Variants in SMAD2 observed in about 807,000 individuals in gnomAD.
SMAD2 encodes the protein MAD homolog 2.
In SMAD2, 8 loss-of-function variants were observed where a neutral mutation model predicts 64.4. The observed-to-expected ratio is 0.12, with a 90% CI of 0.07 to 0.22. The LOEUF is 0.22. SMAD2 is among the 10% of genes least tolerant of loss of function. SMAD2 has a pLI of 1.00. For synonymous variants in SMAD2, 203 were observed against 195.8 expected, an observed-to-expected ratio of 1.04 and a Z score of -0.31; for missense variants, 289 against 561.2, an observed-to-expected ratio of 0.51 and a Z score of 4.90.
intron 5 of SMAD2, among the ~76,000 whole-genome samples, chr18:47,867,518 A>C (rs747950990): frequency 6.6e-6 from 1 of 151,920 alleles, no homozygotes; most frequent in Non-Finnish European, 1.5e-5. Context: ...GAATAAAAGA[A>C]TATTACAAAA....
intron 2 of SMAD2, among the ~76,000 whole-genome samples, chr18:47,893,026 T>C (rs1219244613): frequency 6.6e-6 from 1 of 152,236 alleles, no homozygotes; most frequent in East Asian, 1.9e-4. Context: ...TTTCCTTATG[T>C]CTGATTCTTT....
At chr18:47,917,885 G>A (rs1031447862) in intron 1 of SMAD2, among the ~76,000 whole-genome samples, 5 of 152,140 alleles carry the variant, frequency 3.3e-5, no homozygotes, top group African/African-American at 1.2e-4. Context: ...AACCTCATGA[G>A]GATAGGGAGA....
chr18:47,907,135 C>T (rs1228770073), intron 1 of SMAD2, among the ~76,000 whole-genome samples: 1 of 152,032 alleles, frequency 6.6e-6, no homozygotes, highest in Non-Finnish European at 1.5e-5. Flanking sequence ...ATTGGAAAAC[C>T]GGCAAGTTCC....
intron 5 of SMAD2, 49 bp from the exon 6 acceptor site, chr18:47,865,182 A>G (rs747446548): frequency 1.0e-6 from 1 of 956,494 alleles, no homozygotes; most frequent in South Asian, 1.3e-5. Flanking sequence ...TAATCTCACT[A>G]CCTTTTCTCT....
At chr18:47,869,577 A>T in intron 3 of SMAD2, 141 bp from the exon 4 acceptor site, 1 of 675,276 alleles carries the variant, frequency 1.5e-6, no homozygotes. Flanking sequence ...GAGAATCAAG[A>T]ACAAAAATGT....
rs75892830 is a variant in SMAD2, at chr18:47,810,039, T to C, written c.*31788A>G. ...AATTACAGAGTTGAAACACATACTCTTTCAGACATGAAGTCAGAGGGCTTC... is the reference window on the plus strand; with the variant it reads ...AATTACAGAGTTGAAACACATACTCCTTCAGACATGAAGTCAGAGGGCTTC... On this transcript the variant is annotated 3_prime_UTR_variant, in exon 11 of 11. Transcript: ENST00000262160. 2,414 of 152,310 alleles carry C rather than the reference T, an allele frequency of 0.016. 27 individuals are homozygous for C. The highest frequency in any genetic ancestry group is 0.026 in the Non-Finnish European group (1,740 of 68,030). The allele number at this position is 152,310 out of a possible 1,614,324, so 9.4% of individuals were successfully genotyped here. A position where few individuals can be genotyped will look rare whatever the true frequency, so the allele number is the denominator to read the frequency against.
rs1486788241 is a variant in SMAD2 at position 47,881,430 on chromosome 18, G to A, written c.237-10866C>T. 2.0e-5 allele frequency among the ~76,000 whole-genome samples: 3 copies of A among 152,156 alleles called. No homozygotes were observed. In the South Asian group the frequency reaches 6.2e-4, roughly 32 times the overall value. Reference sequence around the variant, plus strand: ...TTTACAAAAATACAATTGATTTTTAGACACTGAATCTATAAAGTGCAGCCT... The same window carrying A: ...TTTACAAAAATACAATTGATTTTTAAACACTGAATCTATAAAGTGCAGCCT... On this transcript the variant is annotated intron_variant, in intron 2 of 10. Transcript: ENST00000262160.
intron 1 of SMAD2, among the ~76,000 whole-genome samples, chr18:47,905,139 G>C (rs909970917): frequency 6.6e-6 from 1 of 152,108 alleles, no homozygotes; most frequent in African/African-American, 2.4e-5. Context: ...TCTACTTACT[G>C]GAACTAGTAA....
rs528550552 is a variant in SMAD2 at position 47,834,121 on chromosome 18, A to G, written c.*7706T>C. ...AAATGACTGGATGGCACATATCCCA[A>G]TAAGTATCAGAAATGTTGACAGCCA... is the stretch of plus-strand genomic sequence containing the variant. On this transcript the variant is annotated 3_prime_UTR_variant, in exon 11 of 11. Coordinates refer to ENST00000262160, the MANE Select transcript of SMAD2 (RefSeq NM_005901.6). 10 of 213,648 alleles carry G rather than the reference A, an allele frequency of 4.7e-5. No individual in the cohort carries two copies. Among genetic ancestry groups the G allele is most frequent in the Non-Finnish European group, 6.6e-5 (7 of 105,774 alleles). 13.2% of individuals were successfully genotyped at this position (213,648 alleles called of 1,614,324 possible). A position where few individuals can be genotyped will look rare whatever the true frequency, so the allele number is the denominator to read the frequency against.
At chr18:47,909,067 CT>C (rs1292645782) in intron 1 of SMAD2, among the ~76,000 whole-genome samples, 10 of 103,018 alleles carry the variant, frequency 9.7e-5, no homozygotes, top group African/African-American at 3.3e-4. Flanking sequence ...AGAACTACAG[CT>C]AAAAAAAAAA....
chr18:47,897,116 TTAAAA>T (rs1006953393), intron 1 of SMAD2, among the ~76,000 whole-genome samples: 109 of 152,314 alleles, frequency 7.2e-4, no homozygotes, highest in African/African-American at 2.6e-3. Flanking sequence ...GTAGTGTCAA[TTAAAA>T]TATTTTCACA....
At chr18:47,875,073 G>A (rs1377061986) in intron 2 of SMAD2, among the ~76,000 whole-genome samples, 2 of 152,102 alleles carry the variant, frequency 1.3e-5, no homozygotes, top group Non-Finnish European at 2.9e-5. Context: ...GCCAGCCTGA[G>A]CCCTGATCAT....
At chr18:47,896,985 C>T (rs1478906323) in intron 1 of SMAD2, among the ~76,000 whole-genome samples, 176 bp from the exon 2 acceptor site, 3 of 152,120 alleles carry the variant, frequency 2.0e-5, no homozygotes, top group Non-Finnish European at 4.4e-5. Flanking sequence ...ATGATGGAAA[C>T]AAACCCTTCT....
upstream of SMAD2, chr18:47,930,826 T>A (rs972051197): frequency 1.4e-5 from 2 of 147,544 alleles, no homozygotes; most frequent in Admixed American, 1.3e-4. Flanking sequence ...GGCTGCTGGC[T>A]GGCGAGCTGC....
At chr18:47,854,090 A>T (rs1486902916) in intron 6 of SMAD2, among the ~76,000 whole-genome samples, 1 of 73,842 alleles carries the variant, frequency 1.4e-5, no homozygotes, top group Non-Finnish European at 2.4e-5. Context: ...GAAGCCTTTA[A>T]AAAAAAAAAA....
chr18:47,929,401 T>C (rs530531448), intron 1 of SMAD2, among the ~76,000 whole-genome samples: 7 of 152,332 alleles, frequency 4.6e-5, no homozygotes, highest in African/African-American at 1.7e-4. Context: ...ATTTTGGAAA[T>C]TAAATCACAT....
In SMAD2 at chr18:47,813,411, T is replaced by G. The variant is rs1425023270; in HGVS notation, c.*28416A>C. On this transcript the variant is annotated 3_prime_UTR_variant, in exon 11 of 11. Transcript: ENST00000262160. ...TGCCACCATGCCCAGCTAATTTTTT[T>G]TTTTTTTTTTTTTGAGATGGAGTCT... The G allele has an allele frequency of 6.7e-6, 1 of 148,972 alleles. No individual in the cohort carries two copies. The highest frequency in any genetic ancestry group is 1.5e-5 in the Non-Finnish European group (1 of 67,172). 9.2% of individuals were successfully genotyped at this position (148,972 alleles called of 1,614,324 possible).
At chr18:47,850,871 G>A (rs1215158003) in intron 7 of SMAD2, among the ~76,000 whole-genome samples, 2 of 72,302 alleles carry the variant, frequency 2.8e-5, no homozygotes, top group Non-Finnish European at 5.2e-5. Context: ...TATATATTAT[G>A]TATAATATAT....
At chr18:47,844,265 G>C (rs1914261491) in intron 10 of SMAD2, among the ~76,000 whole-genome samples, 1 of 152,076 alleles carries the variant, frequency 6.6e-6, no homozygotes, top group Non-Finnish European at 1.5e-5. Context: ...TCAGATTTCT[G>C]ACAAAACTTA....
Sources: gnomAD v4.1 joint callset for allele counts (sites outside exome capture counted in the v4.1 genomes callset) on GRCh38, gnomAD v4.1.1 for gene constraint, MANE v1.5 for transcripts, NCBI Gene and HGNC (gene_info 2026-07-23, HGNC 2026-07-21) for gene names.